DEPDC5: variants seen among roughly 807,000 people sequenced by gnomAD.
The protein encoded by DEPDC5 is DEP domain containing 5, GATOR1 subcomplex subunit, also known as GATOR1 complex protein DEPDC5.
A neutral mutation model predicts 217.3 loss-of-function variants in DEPDC5; 73 were observed. The observed-to-expected ratio is 0.34, with a 90% CI of 0.28 to 0.41. The LOEUF (loss-of-function observed/expected upper bound fraction) is 0.41. Among genes scored for constraint, DEPDC5 ranks in the 10% least tolerant of loss-of-function variants. DEPDC5 has a pLI of 1.00. For synonymous variants in DEPDC5, 733 were observed against 756.7 expected (o/e 0.97, Z 0.51); for missense variants, 1,675 against 2,070.1 (o/e 0.81, Z 3.70).
At chr22:31,858,746 A>G (rs1000552267) in intron 32 of DEPDC5, 19 of 152,142 alleles carry the variant, frequency 1.2e-4, no homozygotes, top group Non-Finnish European at 1.9e-4. Flanking sequence ...AAAATTGTAG[A>G]TGGTGATTTT....
At chr22:31,819,351 C>A in intron 22 of DEPDC5, 126 bp downstream of exon 22, 1 of 964,212 alleles carries the variant, frequency 1.0e-6, no homozygotes, top group Non-Finnish European at 1.5e-6. Flanking sequence ...GATAACCATG[C>A]CCACTTTGGC....
intron 38 of DEPDC5, chr22:31,880,186 A>C (rs1025912328): frequency 1.0e-5 from 2 of 190,956 alleles, no homozygotes; most frequent in East Asian, 2.4e-4. Context: ...CATGCAGAGC[A>C]AAAGTCTCTC....
At chr22:31,791,744 T>C (rs1191286213) in intron 10 of DEPDC5, among the ~76,000 whole-genome samples, 1 of 150,930 alleles carries the variant, frequency 6.6e-6, no homozygotes, top group Non-Finnish European at 1.5e-5. Flanking sequence ...TTGGCCAACA[T>C]GGTGAAACCG....
Position 31,906,079 on chromosome 22 carries a change from G to A in DEPDC5, c.4519+13G>A, listed in dbSNP as rs181976978. ...ATCCACGTTACAGGTGAGGAGCTAC[G>A]GGCAGAGTTGGGCAGGTGGGTCCAC... On this transcript the variant is annotated intron_variant, in intron 42 of 42. Transcript: ENST00000651528. This position sits in a 1 kb window ranked among gnomAD's most constrained non-coding sequence, Gnocchi z 5.1. The A allele has an allele frequency of 1.1e-3, 1,754 of 1,613,952 alleles. 23 individuals are homozygous for A. Among genetic ancestry groups the A allele is most frequent in the Non-Finnish European group, 2.4e-4 (286 of 1,179,940 alleles).
At chr22:31,770,942 C>T (rs974285220) in intron 7 of DEPDC5, among the ~76,000 whole-genome samples, 1 of 151,204 alleles carries the variant, frequency 6.6e-6, no homozygotes. Context: ...GCCACCATGC[C>T]CGGCTAATTT....
At position 31,754,875 on chromosome 22, in the gene DEPDC5, C is replaced by A; in HGVS notation, c.-47C>A. ...TTTCTGTGGCAGGGAGGCAAGATGACTTCTCTGCCCCAAGCTTGGAACAGC... is the reference window on the plus strand; with the variant it reads ...TTTCTGTGGCAGGGAGGCAAGATGAATTCTCTGCCCCAAGCTTGGAACAGC... On this transcript the variant is annotated 5_prime_UTR_variant, in exon 2 of 43. Transcript: ENST00000651528. 1.2e-6 allele frequency: 2 copies of A among 1,608,156 alleles called. No homozygotes were observed. The highest frequency in any genetic ancestry group is 2.7e-5 in the African/African-American group (2 of 74,832).
At chr22:31,809,244 A>G (rs2087949615) in intron 18 of DEPDC5, among the ~76,000 whole-genome samples, 1 of 152,214 alleles carries the variant, frequency 6.6e-6, no homozygotes, top group African/African-American at 2.4e-5. Flanking sequence ...AGGGGGAGGC[A>G]TGCAGCATTT....
chr22:31,788,349 C>T (rs2085245256), intron 10 of DEPDC5, among the ~76,000 whole-genome samples: 1 of 146,204 alleles, frequency 6.8e-6, no homozygotes, highest in Admixed American at 7.0e-5. Context: ...TCATAGCTCA[C>T]TGCAGCCTTG....
chr22:31,876,495 C>G (rs910439089), intron 37 of DEPDC5, among the ~76,000 whole-genome samples: 4 of 152,118 alleles, frequency 2.6e-5, no homozygotes, highest in Non-Finnish European at 5.9e-5. Context: ...AAAGATAAAG[C>G]TAAAAGAGGC....
At chr22:31,846,180 AT>A (rs1171261755) in intron 30 of DEPDC5, among the ~76,000 whole-genome samples, 9 of 152,156 alleles carry the variant, frequency 5.9e-5, no homozygotes, top group African/African-American at 2.2e-4. Flanking sequence ...TGTGTTCCTT[AT>A]CACTGTACTT....
chr22:31,864,269 C>T (rs1315416255), intron 33 of DEPDC5, among the ~76,000 whole-genome samples: 11 of 150,992 alleles, frequency 7.3e-5, no homozygotes, highest in Admixed American at 1.3e-4. Context: ...CCACCATGCC[C>T]GGCTAATTTT....
chr22:31,784,890 A>G lies in DEPDC5; in HGVS notation c.624+15A>G, dbSNP rs765203999. 2 of 1,607,192 alleles carry G rather than the reference A, an allele frequency of 1.2e-6. No individual in the cohort carries two copies. The highest frequency in any genetic ancestry group is 1.7e-5 in the Admixed American group (1 of 59,762). Reference sequence around the variant, plus strand: ...CCAAGTGGAAGGTACATTTCTTCTTACACACTAAGTCTCATTATGTAAACA... The same window carrying G: ...CCAAGTGGAAGGTACATTTCTTCTTGCACACTAAGTCTCATTATGTAAACA... On this transcript the variant is annotated intron_variant, in intron 10 of 42. Coordinates refer to ENST00000651528, the MANE Select transcript of DEPDC5 (RefSeq NM_001242896.3).
rs2148635435 is a variant in DEPDC5, at chr22:31,802,888, T to A, written c.1081+50T>A. ...GTCTCCACATGTTCCTAGCCTGATTTCCCCTTAGAACTGTGAGCTTCACTG... is the reference window on the plus strand; with the variant it reads ...GTCTCCACATGTTCCTAGCCTGATTACCCCTTAGAACTGTGAGCTTCACTG... On this transcript the variant is annotated intron_variant, in intron 15 of 42. Transcript: ENST00000651528. 2.6e-6 allele frequency: 4 copies of A among 1,530,182 alleles called. No homozygotes were observed. In the East Asian group the frequency reaches 9.5e-5, roughly 36 times the overall value. 94.8% of individuals were successfully genotyped at this position (1,530,182 alleles called of 1,614,324 possible). A position where few individuals can be genotyped will look rare whatever the true frequency, so the allele number is the denominator to read the frequency against.
chr22:31,827,711 C>G (rs1246126388), intron 24 of DEPDC5, among the ~76,000 whole-genome samples: 1 of 152,196 alleles, frequency 6.6e-6, no homozygotes, highest in Non-Finnish European at 1.5e-5. Context: ...TGCTTTCTCC[C>G]TCTCATTTCA....
Position 31,906,078 on chromosome 22 carries a change from C to T in DEPDC5, c.4519+12C>T, listed in dbSNP as rs775504663. On this transcript the variant is annotated intron_variant, in intron 42 of 42. Transcript: ENST00000651528. This position sits in a 1 kb window ranked among gnomAD's most constrained non-coding sequence, Gnocchi z 5.1. ...TATCCACGTTACAGGTGAGGAGCTA[C>T]GGGCAGAGTTGGGCAGGTGGGTCCA... is the stretch of plus-strand genomic sequence containing the variant. 9 of 1,614,074 alleles carry T rather than the reference C, an allele frequency of 5.6e-6. No homozygotes were observed. Among genetic ancestry groups the T allele is most frequent in the Non-Finnish European group, 6.8e-6 (8 of 1,179,982 alleles).
Sources: allele counts gnomAD v4.1 joint callset (sites outside exome capture counted in the v4.1 genomes callset), GRCh38; gene constraint gnomAD v4.1.1; non-coding constraint Gnocchi (gnomAD v3.1); transcripts MANE v1.5; gene names NCBI Gene and HGNC (gene_info 2026-07-23, HGNC 2026-07-21).